Variants in GCNT2 observed in about 807,000 individuals in gnomAD.
GCNT2 encodes N-acetyllactosaminide beta-1,6-N-acetylglucosaminyl-transferase.
A neutral mutation model predicts 34.2 loss-of-function variants in GCNT2; 34 were observed. The ratio of observed to expected loss-of-function variants is 1.00; its 90% CI spans 0.76 to 1.32. The LOEUF is 1.32. Ranked by LOEUF, GCNT2 falls within the 40% of genes most tolerant of loss-of-function variation. GCNT2 has a pLI of 0.00. For missense variants in GCNT2, 584 were observed against 489.4 expected (o/e 1.19, Z -1.82); for synonymous variants, 212 against 188.0 (o/e 1.13, Z -1.04).
intron 3 of GCNT2, chr6:10,586,266 G>T (rs773425614): frequency 1.2e-6 from 2 of 1,614,162 alleles, no homozygotes; most frequent in South Asian, 2.2e-5. Context: ...GGAAGAAGAG[G>T]CTGCATTCCC....
chr6:10,555,767 A>G (rs569695681), intron 3 of GCNT2: 3 of 985,416 alleles, frequency 3.0e-6, no homozygotes, highest in East Asian at 1.1e-4. Flanking sequence ...AAGCATTACA[A>G]TGGAGCTGGG....
In GCNT2 at chr6:10,626,745, T is replaced by C. The variant is rs1369392254; in HGVS notation, c.*138T>C. 1.5e-6 allele frequency: 1 copy of C among 683,278 alleles called. No individual in the cohort carries two copies. The highest frequency in any genetic ancestry group is 2.6e-6 in the Non-Finnish European group (1 of 381,404). 42.3% of individuals were successfully genotyped at this position (683,278 alleles called of 1,614,324 possible). A position where few individuals can be genotyped will look rare whatever the true frequency, so the allele number is the denominator to read the frequency against. ...GCTTCAGGACCTGGCTACGTAATTA[T>C]ACTTAAAATATCCACTGGACACTGT... On this transcript the variant is annotated 3_prime_UTR_variant, in exon 5 of 5. Coordinates refer to ENST00000495262, the MANE Select transcript of GCNT2 (RefSeq NM_145649.5).
rs776321866 is a variant in GCNT2 at position 10,529,172 on chromosome 6, A to G, written c.261A>G (p.Thr87=). ...TTCGAAGCCACTATGTAACAGAAAC[A>G]CTCTCTGAAGAAGAGGCTGGGTTCC... is the stretch of plus-strand genomic sequence containing the variant. The part of the protein sequence containing the change: ...YMVRSHYVTE[T]LSEEEAGFPL... Residue 87 remains threonine, a synonymous_variant, in exon 3 of 5, where the codon ACA becomes ACG. Coordinates refer to ENST00000495262, the MANE Select transcript of GCNT2 (RefSeq NM_145649.5). The G allele has an allele frequency of 6.2e-7, 1 of 1,614,026 alleles. No homozygotes were observed. The highest frequency in any genetic ancestry group is 1.1e-5 in the South Asian group (1 of 91,080).
At chr6:10,572,710 G>C (rs1763607421) in intron 3 of GCNT2, among the ~76,000 whole-genome samples, 1 of 151,960 alleles carries the variant, frequency 6.6e-6, no homozygotes, top group Admixed American at 6.6e-5. Context: ...CTCCAGCCTG[G>C]ATGACAGAGC....
chr6:10,608,944 C>T (rs992909542), intron 3 of GCNT2, among the ~76,000 whole-genome samples: 1 of 152,098 alleles, frequency 6.6e-6, no homozygotes, highest in Non-Finnish European at 1.5e-5. Context: ...CACGTTGGGG[C>T]CAGGGTGGCC....
In GCNT2 at chr6:10,529,845, G is replaced by A. The variant is rs771362011; in HGVS notation, c.925+9G>A. Reference sequence around the variant, plus strand: ...ACTCAACAGGATTCCCGGTATGTACGTCTCTTAACTTTTATTTTTACGAAT... The same window carrying A: ...ACTCAACAGGATTCCCGGTATGTACATCTCTTAACTTTTATTTTTACGAAT... On this transcript the variant is annotated intron_variant, in intron 3 of 4. Coordinates refer to ENST00000495262, the MANE Select transcript of GCNT2 (RefSeq NM_145649.5). 4.4e-6 allele frequency: 7 copies of A among 1,603,576 alleles called. No homozygotes were observed. Among genetic ancestry groups the A allele is most frequent in the East Asian group, 2.2e-5 (1 of 44,844 alleles).
intron 3 of GCNT2, among the ~76,000 whole-genome samples, chr6:10,609,907 G>A (rs57952766): frequency 4.0e-5 from 6 of 151,660 alleles, no homozygotes; most frequent in African/African-American, 1.2e-4. Context: ...TTGTTGGAGG[G>A]TGAGTGGTGG....
chr6:10,547,370 A>G (rs939810739), intron 3 of GCNT2, among the ~76,000 whole-genome samples: 4 of 152,162 alleles, frequency 2.6e-5, no homozygotes, highest in African/African-American at 9.7e-5. Context: ...GATCTGATCA[A>G]GAATCTTAAG....
intron 3 of GCNT2, chr6:10,581,852 G>C (rs1764081369): frequency 1.0e-6 from 1 of 984,702 alleles, no homozygotes; most frequent in Non-Finnish European, 1.2e-6. Flanking sequence ...AAAAGGGTGT[G>C]GTTCTAGTAA....
rs761096313 is a variant in GCNT2, at chr6:10,529,720, C to G, written c.809C>G (p.Thr270Arg). 1 of 1,614,104 alleles carries G rather than the reference C, an allele frequency of 6.2e-7. No homozygotes were observed. The change falls in exon 3 of 5, where the codon ACA (threonine) becomes AGA (arginine). Residue 270 changes from threonine (T) to arginine (R), a missense_variant. Physicochemically the swap from Thr to Arg is moderately conservative, Grantham distance 71. Coordinates refer to ENST00000495262, the MANE Select transcript of GCNT2 (RefSeq NM_145649.5). ...IYFGTAYVALTRDFANFVLQD... is the reference protein window; with the variant it reads ...IYFGTAYVALRRDFANFVLQD... ...TTTGGCACGGCCTACGTGGCTCTCA[C>G]AAGGGACTTTGCTAACTTCGTCCTC... is the stretch of plus-strand genomic sequence containing the variant.
At position 10,626,591 on chromosome 6, in the gene GCNT2, C is replaced by A. The variant is rs754940471; in HGVS notation, c.1193C>A (p.Pro398His). Residue 398 changes from proline to histidine, a missense_variant, in exon 5 of 5, where the codon CCC becomes CAC. By Grantham distance (77) the Pro-to-His change is moderately conservative. Transcript: ENST00000495262. ...TLNQSETAIQPSWYF is the reference protein window; with the variant it reads ...TLNQSETAIQHSWYF ...AATCAGAGTGAAACTGCGATACAAC[C>A]CAGCTGGTATTTTTGAGCTATTCAT... is the stretch of plus-strand genomic sequence containing the variant. The A allele has an allele frequency of 1.2e-6, 2 of 1,613,202 alleles. No homozygotes were observed. The highest frequency in any genetic ancestry group is 2.2e-5 in the South Asian group (2 of 91,072).
At chr6:10,533,480 A>G (rs1761595100) in intron 3 of GCNT2, among the ~76,000 whole-genome samples, 1 of 150,418 alleles carries the variant, frequency 6.6e-6, no homozygotes, top group Non-Finnish European at 1.5e-5. Context: ...AGAAGCAGAT[A>G]ATATGAATTT....
intron 3 of GCNT2, among the ~76,000 whole-genome samples, chr6:10,612,137 C>T (rs1369769781): frequency 6.6e-6 from 1 of 152,076 alleles, no homozygotes; most frequent in Non-Finnish European, 1.5e-5. Flanking sequence ...CAGGTGTGTG[C>T]CACCACGCCC....
Position 10,626,506 on chromosome 6 carries a change from C to CTTA in GCNT2, c.1109_1111dup (p.Leu370_Asn371insIle). The CTTA allele has an allele frequency of 6.2e-7, 1 of 1,613,282 alleles. No homozygotes were observed. The highest frequency in any genetic ancestry group is 8.5e-7 in the Non-Finnish European group (1 of 1,179,236). On this transcript the variant is annotated inframe_insertion, in exon 5 of 5. Transcript: ENST00000495262. ...AAGCCTGTTTGCTAACAAGTTTGAG[C>CTTA]TTAATACCTACCCCCTTACTGTGGA... is the stretch of plus-strand genomic sequence containing the variant.
chr6:10,574,300 A>C (rs928682657), intron 3 of GCNT2, among the ~76,000 whole-genome samples: 3 of 152,180 alleles, frequency 2.0e-5, no homozygotes, highest in African/African-American at 7.2e-5. Flanking sequence ...AGGACAACAT[A>C]TATGCATGTG....
intron 3 of GCNT2, chr6:10,557,223 T>TATCA: frequency 6.3e-7 from 1 of 1,589,824 alleles, no homozygotes; most frequent in Non-Finnish European, 8.6e-7. Context: ...TATGTGGCTC[T>TATCA]ATCAAGAGAG....
At chr6:10,576,177 C>T (rs1202889945) in intron 3 of GCNT2, among the ~76,000 whole-genome samples, 1 of 152,130 alleles carries the variant, frequency 6.6e-6, no homozygotes, top group East Asian at 1.9e-4. Context: ...GCCACATTTT[C>T]AAATGATTGA....
intron 3 of GCNT2, among the ~76,000 whole-genome samples, chr6:10,576,923 T>C (rs944500271): frequency 2.8e-5 from 4 of 143,490 alleles, no homozygotes; most frequent in African/African-American, 8.8e-5. Flanking sequence ...ATAATAACAA[T>C]AATAATAATA....
At chr6:10,550,144 C>T (rs1282755095) in intron 3 of GCNT2, among the ~76,000 whole-genome samples, 1 of 151,984 alleles carries the variant, frequency 6.6e-6, no homozygotes, top group East Asian at 1.9e-4. Flanking sequence ...ACCTCTGCTT[C>T]CCGGGTTCAA....
Sources: gnomAD v4.1 joint callset for allele counts (sites outside exome capture counted in the v4.1 genomes callset) on GRCh38, gnomAD v4.1.1 for gene constraint, MANE v1.5 for transcripts, NCBI Gene and HGNC (gene_info 2026-07-23, HGNC 2026-07-21) for gene names.